The following DIS3L variants were observed in gnomAD, a reference collection of about 807,000 sequenced individuals.
The protein encoded by DIS3L is DIS3-like exonuclease 1.
In DIS3L, 100 loss-of-function variants were observed where a neutral mutation model predicts 120.3. That is an observed-to-expected ratio of 0.83 (90% CI 0.71 to 0.98). The LOEUF is 0.98. Among genes scored for constraint, DIS3L ranks in the 50% least tolerant of loss-of-function variants. The pLI, the probability that DIS3L is intolerant of heterozygous loss-of-function variation, is 0.00. For synonymous variants in DIS3L, 426 were observed against 470.6 expected (o/e 0.91, Z 1.23); for missense variants, 1,196 against 1,314.2 (o/e 0.91, Z 1.39).
At chr15:66,326,507 A>G in intron 12 of DIS3L, 143 bp downstream of exon 12, 4 of 917,090 alleles carry the variant, frequency 4.4e-6, no homozygotes, top group Non-Finnish European at 6.4e-6. Flanking sequence ...TTGAAGACAC[A>G]TTTTTCCCTC....
chr15:66,314,221 T>C lies in DIS3L; in HGVS notation c.814+104T>C, dbSNP rs185249340. The C allele has an allele frequency of 3.4e-4, 301 of 895,086 alleles. 1 individual carries two copies. The East Asian group carries it at 7.2e-3, about 21-fold the overall frequency. 55.4% of individuals were successfully genotyped at this position (895,086 alleles called of 1,614,324 possible). On this transcript the variant is annotated intron_variant, in intron 6 of 16. Coordinates refer to ENST00000319212, the MANE Select transcript of DIS3L (RefSeq NM_001143688.3). ...TTGTCATGTCATATGTGCCCTGTTA[T>C]GTATGCCTACATACATTGGGTATGT... is the stretch of plus-strand genomic sequence containing the variant.
chr15:66,303,788 C>G (rs1178962624), intron 2 of DIS3L, among the ~76,000 whole-genome samples: 2 of 152,100 alleles, frequency 1.3e-5, no homozygotes, highest in Non-Finnish European at 2.9e-5. Context: ...TGAAAGCCTG[C>G]CCAAACTGTT....
intron 15 of DIS3L, among the ~76,000 whole-genome samples, chr15:66,332,510 GTGTGTA>G (rs1347331932): frequency 1.1e-4 from 8 of 72,004 alleles, no homozygotes; most frequent in African/African-American, 1.4e-4. Context: ...GTGTGTGTGT[GTGTGTA>G]TATATATACA....
chr15:66,333,879 A>C lies in DIS3L; in HGVS notation c.*567A>C, dbSNP rs969739842. On this transcript the variant is annotated 3_prime_UTR_variant, in exon 17 of 17. Transcript: ENST00000319212. ...ATGGCCCCTTTCTAATAAGTTTAAT[A>C]AACCCGAAATTACTGGTTATCTCGT... The C allele has an allele frequency of 1.3e-5, 2 of 152,220 alleles. No homozygotes were observed. The highest frequency in any genetic ancestry group is 2.9e-5 in the Non-Finnish European group (2 of 68,066). The allele number at this position is 152,220 out of a possible 1,614,324, so 9.4% of individuals were successfully genotyped here.
At position 66,331,862 on chromosome 15, in the gene DIS3L, G is replaced by A. The variant is rs191512483; in HGVS notation, c.2536-13G>A. ...GGGAGTGTTAAAATGCTTTGGAGTT[G>A]TGCTTCTTACAGGCAGCACAGCATT... is the stretch of plus-strand genomic sequence containing the variant. On this transcript the variant is annotated splice_polypyrimidine_tract_variant and intron_variant, in intron 14 of 16. Coordinates refer to ENST00000319212, the MANE Select transcript of DIS3L (RefSeq NM_001143688.3). 3.1e-3 allele frequency: 4,906 copies of A among 1,559,294 alleles called. 13 individuals carry two copies. The highest frequency in any genetic ancestry group is 3.8e-3 in the Non-Finnish European group (4,361 of 1,153,008).
chr15:66,331,757 GA>G, intron 14 of DIS3L, 117 bp from the exon 15 acceptor site: 1 of 1,181,730 alleles, frequency 8.5e-7, no homozygotes, highest in Non-Finnish European at 1.1e-6. Flanking sequence ...TTTCATAGTA[GA>G]GAACAATTTT....
intron 9 of DIS3L, 120 bp from the exon 10 acceptor site, chr15:66,322,567 G>A: frequency 5.5e-6 from 8 of 1,455,576 alleles, no homozygotes; most frequent in African/African-American, 1.4e-5. Flanking sequence ...AACATAGGTT[G>A]ATGAAGAAGG....
chr15:66,314,140 A>G (rs2140363379), intron 6 of DIS3L, 23 bp downstream of exon 6: 1 of 1,432,624 alleles, frequency 7.0e-7, no homozygotes, highest in African/African-American at 1.5e-5. Context: ...CCTTACATAA[A>G]TTTCCATACT....
upstream of DIS3L, chr15:66,293,505 G>C: frequency 8.0e-7 from 1 of 1,251,802 alleles, no homozygotes; most frequent in Non-Finnish European, 1.0e-6. Context: ...CGGTTCCGGA[G>C]CCGCGGCGCC....
In DIS3L at chr15:66,333,181, G is replaced by T. The variant is rs775084704; in HGVS notation, c.3034G>T (p.Glu1012Ter). Reference sequence around the variant, plus strand: ...TGTGGAAGAAGCTCAGCTTGCCCAAGAAGTCAAAGTAAACATCATTCAGGA... The same window carrying T: ...TGTGGAAGAAGCTCAGCTTGCCCAATAAGTCAAAGTAAACATCATTCAGGA... Reference protein sequence around the residue: ...KSVEEAQLAQEVKVNIIQEEY... With the variant: ...KSVEEAQLAQ The change falls in exon 17 of 17, where the codon GAA (glutamate) becomes TAA (stop). Residue 1012 changes from glutamate (E) to a stop codon, truncating the protein, a stop_gained. Coordinates refer to ENST00000319212, the MANE Select transcript of DIS3L (RefSeq NM_001143688.3). LOFTEE classifies it high-confidence loss of function. The T allele has an allele frequency of 1.9e-6, 3 of 1,613,980 alleles. No homozygotes were observed. The highest frequency in any genetic ancestry group is 2.5e-6 in the Non-Finnish European group (3 of 1,180,020).
intron 2 of DIS3L, among the ~76,000 whole-genome samples, chr15:66,305,061 CCTGATCTCGGCTCA>C (rs2092690315): frequency 7.6e-6 from 1 of 131,830 alleles, no homozygotes; most frequent in South Asian, 2.5e-4. Flanking sequence ...AGTGCAGTGG[CCTGATCTCGGCTCA>C]CTGCAAGCTC....
intron 4 of DIS3L, among the ~76,000 whole-genome samples, chr15:66,310,623 A>G (rs183054395): frequency 8.0e-4 from 122 of 152,348 alleles, no homozygotes; most frequent in Non-Finnish European, 1.6e-3. Flanking sequence ...TTGATAAGTG[A>G]TAAGTGACCA....
chr15:66,299,156 G>A (rs770395693), intron 2 of DIS3L, among the ~76,000 whole-genome samples: 1 of 152,232 alleles, frequency 6.6e-6, no homozygotes, highest in Non-Finnish European at 1.5e-5. Context: ...CACCCCAGGA[G>A]CAGAAAGAAT....
chr15:66,299,538 T>G (rs113766935), intron 2 of DIS3L, among the ~76,000 whole-genome samples: 1,219 of 118,368 alleles, frequency 0.01, 26 homozygotes, highest in African/African-American at 0.037. Flanking sequence ...AGAGCAAAAC[T>G]CCATCTCAAA....
chr15:66,319,053 GTGT>G (rs2092852449), intron 8 of DIS3L, among the ~76,000 whole-genome samples: 1 of 152,132 alleles, frequency 6.6e-6, no homozygotes, highest in Non-Finnish European at 1.5e-5. Context: ...ACCTCCCAAA[GTGT>G]TGGAATTACA....
At chr15:66,320,781 T>C in intron 9 of DIS3L, 49 bp downstream of exon 9, 1 of 1,576,936 alleles carries the variant, frequency 6.3e-7, no homozygotes, top group South Asian at 1.2e-5. Context: ...CTTTTTGCTT[T>C]TGTTGTTGTT....
chr15:66,314,941 A>T, intron 6 of DIS3L, 95 bp from the exon 7 acceptor site: 1 of 1,304,920 alleles, frequency 7.7e-7, no homozygotes, highest in Admixed American at 2.1e-5. Context: ...TTGCAGGAGT[A>T]CTGATTAGAC....
At chr15:66,293,762 G>A in intron 1 of DIS3L, 27 bp downstream of exon 1, 1 of 1,169,148 alleles carries the variant, frequency 8.6e-7, no homozygotes, top group Non-Finnish European at 1.1e-6. Flanking sequence ...GGGCGGGGAC[G>A]GGGCCGGCGG....
At chr15:66,293,499 T>A (rs1173293630), upstream of DIS3L, 3 of 1,248,244 alleles carry the variant, frequency 2.4e-6, no homozygotes, top group Non-Finnish European at 3.0e-6. Context: ...TTACGGCGGT[T>A]CCGGAGCCGC....
Sources: gnomAD v4.1 joint callset for allele counts (sites outside exome capture counted in the v4.1 genomes callset) on GRCh38, gnomAD v4.1.1 for gene constraint, MANE v1.5 for transcripts, NCBI Gene and HGNC (gene_info 2026-07-23, HGNC 2026-07-21) for gene names.